The following SYCP2 variants were observed in gnomAD, a reference collection of about 807,000 sequenced individuals.
SYCP2 encodes the protein synaptonemal complex protein 2.
SYCP2 carries 55 observed loss-of-function variants against 211.3 expected under a neutral mutation model. That is an observed-to-expected ratio of 0.26 (90% confidence interval 0.21 to 0.33). The LOEUF (loss-of-function observed/expected upper bound fraction) is 0.33. Among genes scored for constraint, SYCP2 ranks in the 10% least tolerant of loss-of-function variants. The probability of loss-of-function intolerance (pLI) is 1.00; values close to 1 mark genes in which losing one functional copy is unlikely to be tolerated. For missense variants in SYCP2, 1,731 were observed against 1,752.0 expected (o/e 0.99, Z 0.21); for synonymous variants, 570 against 555.2 (o/e 1.03, Z -0.37).
intron 24 of SYCP2, among the ~76,000 whole-genome samples, chr20:59,890,094 G>A (rs1000155372): frequency 1.3e-5 from 2 of 152,106 alleles, no homozygotes; most frequent in African/African-American, 2.4e-5. Context: ...AAAGACACAT[G>A]CACATGTATG....
Position 59,865,866 on chromosome 20 carries a change from CTAAAT to C in SYCP2, c.4321-6_4321-2del, listed in dbSNP as rs746585705. 1.3e-5 allele frequency: 17 copies of C among 1,337,036 alleles called. No homozygotes were observed. Among genetic ancestry groups the C allele is most frequent in the Admixed American group, 4.5e-5 (2 of 44,924 alleles). 82.8% of individuals were successfully genotyped at this position (1,337,036 alleles called of 1,614,324 possible). A position where few individuals can be genotyped will look rare whatever the true frequency, so the allele number is the denominator to read the frequency against. On this transcript the variant is annotated splice_acceptor_variant and splice_polypyrimidine_tract_variant and intron_variant, in intron 41 of 44. Transcript: ENST00000357552. LOFTEE classifies it high-confidence loss of function. ...TCTGAAATATCTTTTCCCAAAAGTC[CTAAAT>C]TAATTAATAAAATTTTATTTAGTCC...
At chr20:59,924,905 T>C (rs920955772) in intron 2 of SYCP2, among the ~76,000 whole-genome samples, 1 of 152,050 alleles carries the variant, frequency 6.6e-6, no homozygotes, top group Admixed American at 6.6e-5. Flanking sequence ...AAGGGTAAGA[T>C]AATCTTTTCA....
At chr20:59,930,385 G>A (rs976318478) in intron 2 of SYCP2, among the ~76,000 whole-genome samples, 1 of 152,194 alleles carries the variant, frequency 6.6e-6, no homozygotes, top group Non-Finnish European at 1.5e-5. Flanking sequence ...TAGCATGTGA[G>A]CAAGTGCTTA....
At chr20:59,903,575 A>G (rs1302235713) in intron 15 of SYCP2, among the ~76,000 whole-genome samples, 1 of 152,134 alleles carries the variant, frequency 6.6e-6, no homozygotes, top group Non-Finnish European at 1.5e-5. Flanking sequence ...AACTTGGAGA[A>G]ATTACCCTTC....
chr20:59,907,007 C>T (rs1030128079), intron 15 of SYCP2, among the ~76,000 whole-genome samples: 1 of 152,016 alleles, frequency 6.6e-6, no homozygotes, highest in African/African-American at 2.4e-5. Flanking sequence ...TGTAATAGTA[C>T]TAGTCTGATT....
intron 26 of SYCP2, among the ~76,000 whole-genome samples, chr20:59,883,378 G>A (rs2059721123): frequency 6.6e-6 from 1 of 151,574 alleles, no homozygotes; most frequent in Admixed American, 6.6e-5. Context: ...ACAAACAAAG[G>A]TATCTACATT....
chr20:59,899,955 C>A, intron 18 of SYCP2, 183 bp downstream of exon 18: 2 of 643,048 alleles, frequency 3.1e-6, no homozygotes, highest in Non-Finnish European at 5.4e-6. Context: ...TATACATGTA[C>A]ACAATTTGCT....
At chr20:59,908,417 T>C (rs2060252360) in intron 14 of SYCP2, among the ~76,000 whole-genome samples, 1 of 152,100 alleles carries the variant, frequency 6.6e-6, no homozygotes, top group African/African-American at 2.4e-5. Context: ...CATCACCACC[T>C]TTTTCCCTTA....
intron 2 of SYCP2, among the ~76,000 whole-genome samples, chr20:59,923,135 G>T (rs1334939640): frequency 6.6e-6 from 1 of 151,914 alleles, no homozygotes; most frequent in Non-Finnish European, 1.5e-5. Flanking sequence ...AGGTTCTAAA[G>T]AGAGATTCCA....
At chr20:59,892,824 TA>T in intron 22 of SYCP2, 123 bp from the exon 23 acceptor site, 1 of 837,390 alleles carries the variant, frequency 1.2e-6, no homozygotes, top group Non-Finnish European at 1.7e-6. Context: ...TGTGGAAATT[TA>T]TCTTATCTTA....
chr20:59,868,599 C>T, intron 37 of SYCP2, 31 bp from the exon 38 acceptor site: 1 of 1,540,856 alleles, frequency 6.5e-7, no homozygotes, highest in Non-Finnish European at 8.7e-7. Context: ...GTTAAAAGCG[C>T]TGCAATTTTC....
At position 59,921,290 on chromosome 20, in the gene SYCP2, C is replaced by G; in HGVS notation, c.168+20G>C. On this transcript the variant is annotated intron_variant, in intron 4 of 44. Transcript: ENST00000357552. ...CTATCTAATAATTGTAACAATCATT[C>G]AGCAAAAATGAATATTTACCCTGCA... is the stretch of plus-strand genomic sequence containing the variant. 6.4e-7 allele frequency: 1 copy of G among 1,569,276 alleles called. No homozygotes were observed. The highest frequency in any genetic ancestry group is 8.6e-7 in the Non-Finnish European group (1 of 1,157,564).
rs1436194866 is a variant in SYCP2 at position 59,868,571 on chromosome 20, T to C, written c.3833-3A>G. On this transcript the variant is annotated splice_polypyrimidine_tract_variant and splice_region_variant and intron_variant, in intron 37 of 44. Coordinates refer to ENST00000357552, the MANE Select transcript of SYCP2 (RefSeq NM_014258.4). ...GCGACTAAGATGTTGGGTGGGGCCT[T>C]AGGAACAGTTAAAGAAAGTTAAAAG... The C allele has an allele frequency of 1.3e-6, 2 of 1,584,690 alleles. No individual in the cohort carries two copies. The highest frequency in any genetic ancestry group is 1.7e-6 in the Non-Finnish European group (2 of 1,171,904).
intron 33 of SYCP2, 120 bp downstream of exon 33, chr20:59,877,265 T>C: frequency 1.3e-6 from 1 of 743,290 alleles, no homozygotes; most frequent in Non-Finnish European, 1.9e-6. Flanking sequence ...TTATTTAAGT[T>C]TTGTCATAAA....
chr20:59,872,066 G>A (rs1173087558), intron 35 of SYCP2, among the ~76,000 whole-genome samples: 4 of 151,884 alleles, frequency 2.6e-5, no homozygotes, highest in African/African-American at 9.7e-5. Flanking sequence ...AAGGAGGCTA[G>A]GTAGATCTAG....
intron 5 of SYCP2, among the ~76,000 whole-genome samples, chr20:59,919,976 A>G (rs73309263): frequency 0.034 from 5,198 of 151,792 alleles, 252 homozygotes; most frequent in African/African-American, 0.11. Context: ...ATTTGAGTAC[A>G]TACATCTCAG....
chr20:59,918,800 C>G (rs2060487518), intron 7 of SYCP2, among the ~76,000 whole-genome samples: 1 of 151,930 alleles, frequency 6.6e-6, no homozygotes, highest in African/African-American at 2.4e-5. Context: ...AACTCTGAAC[C>G]CTAATTAAAT....
intron 14 of SYCP2, among the ~76,000 whole-genome samples, chr20:59,910,735 A>C (rs2060304272): frequency 1.3e-5 from 2 of 151,442 alleles, no homozygotes; most frequent in African/African-American, 4.8e-5. Flanking sequence ...CTGGTGCAAA[A>C]GTAATTGCAG....
At chr20:59,925,348 T>C (rs889513855) in intron 2 of SYCP2, among the ~76,000 whole-genome samples, 1 of 152,056 alleles carries the variant, frequency 6.6e-6, no homozygotes, top group African/African-American at 2.4e-5. Flanking sequence ...CTTGCACATG[T>C]AGCCCAGAAC....
Sources: allele counts gnomAD v4.1 joint callset (sites outside exome capture counted in the v4.1 genomes callset), GRCh38; gene constraint gnomAD v4.1.1; transcripts MANE v1.5; gene names NCBI Gene and HGNC (gene_info 2026-07-23, HGNC 2026-07-21).